EIF3L: variants seen among roughly 807,000 people sequenced by gnomAD.
The protein encoded by EIF3L is eukaryotic translation initiation factor 3 subunit L.
A neutral mutation model predicts 74.6 loss-of-function variants in EIF3L; 32 were observed. The observed-to-expected ratio is 0.43, with a 90% CI of 0.32 to 0.58. EIF3L has a LOEUF of 0.58. Ranked by LOEUF, EIF3L falls within the 20% of genes least tolerant of loss-of-function variation. The probability of loss-of-function intolerance (pLI) is 0.06; values close to 1 mark genes in which losing one functional copy is unlikely to be tolerated. For synonymous variants in EIF3L, 256 were observed against 254.4 expected (o/e 1.01, Z -0.06); for missense variants, 474 against 707.8 (o/e 0.67, Z 3.75).
In EIF3L at chr22:37,849,424, C is replaced by G. The variant is rs756642798; in HGVS notation, c.-26C>G. ...CGCGGGCCGCTCATTTCGCTCTTTC[C>G]GGCGGTGCTCGCAAGCGAGGCAGCC... On this transcript the variant is annotated 5_prime_UTR_variant, in exon 1 of 13. Coordinates refer to ENST00000652021, the MANE Select transcript of EIF3L (RefSeq NM_016091.4). 1.9e-6 allele frequency: 3 copies of G among 1,613,968 alleles called. No homozygotes were observed. The highest frequency in any genetic ancestry group is 8.5e-7 in the Non-Finnish European group (1 of 1,179,932).
chr22:37,874,279 AG>A, intron 8 of EIF3L, 90 bp from the exon 9 acceptor site: 1 of 1,350,242 alleles, frequency 7.4e-7, no homozygotes, highest in Non-Finnish European at 1.0e-6. Flanking sequence ...GGCTGGCAGT[AG>A]GTGAGATGCC....
At chr22:37,866,359 G>C (rs1005999211) in intron 7 of EIF3L, among the ~76,000 whole-genome samples, 1 of 152,196 alleles carries the variant, frequency 6.6e-6, no homozygotes, top group Non-Finnish European at 1.5e-5. Context: ...TACAGGCAGT[G>C]AATCAGTGAA....
chr22:37,888,515 G>A lies in EIF3L; in HGVS notation c.*51G>A, dbSNP rs1276687842. 2 of 1,595,214 alleles carry A rather than the reference G, an allele frequency of 1.3e-6. No individual in the cohort carries two copies. The highest frequency in any genetic ancestry group is 1.7e-6 in the Non-Finnish European group (2 of 1,165,412). Reference sequence around the variant, plus strand: ...TGTTTTGATGTATTATAGGCAGGAAGTGTTTTTGCTACCGTGAAACCTTTA... The same window carrying A: ...TGTTTTGATGTATTATAGGCAGGAAATGTTTTTGCTACCGTGAAACCTTTA... On this transcript the variant is annotated 3_prime_UTR_variant, in exon 13 of 13. Coordinates refer to ENST00000652021, the MANE Select transcript of EIF3L (RefSeq NM_016091.4).
At chr22:37,875,516 A>G (rs963675644) in intron 9 of EIF3L, among the ~76,000 whole-genome samples, 1 of 152,220 alleles carries the variant, frequency 6.6e-6, no homozygotes, top group Non-Finnish European at 1.5e-5. Flanking sequence ...ATGTGCATGT[A>G]TGTGTTTCTG....
chr22:37,856,823 A>C (rs1217711605), intron 4 of EIF3L, among the ~76,000 whole-genome samples: 1 of 151,232 alleles, frequency 6.6e-6, no homozygotes, highest in Non-Finnish European at 1.5e-5. Flanking sequence ...CAGCCTGGGC[A>C]ACAAGAGCGA....
intron 11 of EIF3L, chr22:37,880,210 T>G (rs1926976817): frequency 6.6e-6 from 1 of 152,060 alleles, no homozygotes. Context: ...CCTCCCAGGT[T>G]CACGCCATTC....
At chr22:37,874,598 A>G in intron 9 of EIF3L, 74 bp downstream of exon 9, 1 of 1,490,574 alleles carries the variant, frequency 6.7e-7, no homozygotes, top group South Asian at 1.3e-5. Flanking sequence ...CTGATCTCTT[A>G]GGACAAATTT....
intron 1 of EIF3L, 184 bp from the exon 2 acceptor site, chr22:37,849,831 A>G: frequency 1.5e-6 from 1 of 657,242 alleles, no homozygotes; most frequent in Non-Finnish European, 2.7e-6. Flanking sequence ...TGCACCCGTA[A>G]TGTTGTATTG....
intron 12 of EIF3L, 146 bp downstream of exon 12, chr22:37,886,991 T>C: frequency 1.8e-6 from 1 of 561,864 alleles, no homozygotes; most frequent in South Asian, 1.7e-5. Flanking sequence ...TGCAGCGACG[T>C]GATCTTAGCT....
At chr22:37,858,065 A>C (rs531954940) in intron 4 of EIF3L, among the ~76,000 whole-genome samples, 2 of 151,550 alleles carry the variant, frequency 1.3e-5, no homozygotes, top group Admixed American at 1.3e-4. Flanking sequence ...AGTCCCACCT[A>C]CTCGGGAGGC....
Position 37,849,609 on chromosome 22 carries a change from C to T in EIF3L, c.33+127C>T. The T allele has an allele frequency of 7.4e-6, 8 of 1,073,852 alleles. No individual in the cohort carries two copies. The South Asian group carries it at 1.2e-4, about 16-fold the overall frequency. 66.5% of individuals were successfully genotyped at this position (1,073,852 alleles called of 1,614,324 possible). A position where few individuals can be genotyped will look rare whatever the true frequency, so the allele number is the denominator to read the frequency against. ...TCCGGCCGACCTCCCGCCCGGCCCT[C>T]AGGCTGCTCCCACAGTTCCCGGTCC... On this transcript the variant is annotated intron_variant, in intron 1 of 12. Transcript: ENST00000652021.
intron 3 of EIF3L, among the ~76,000 whole-genome samples, chr22:37,851,868 A>G (rs1358681203): frequency 6.6e-6 from 1 of 152,036 alleles, no homozygotes; most frequent in African/African-American, 2.4e-5. Flanking sequence ...GAATTTCACC[A>G]TGTTGGCCAG....
intron 5 of EIF3L, among the ~76,000 whole-genome samples, chr22:37,861,012 A>C (rs1043465274): frequency 6.6e-6 from 1 of 151,986 alleles, no homozygotes; most frequent in Non-Finnish European, 1.5e-5. Context: ...TGTACGTTGT[A>C]TTTGTTTATT....
At chr22:37,886,722 C>T (rs1447946025) in intron 11 of EIF3L, 43 bp from the exon 12 acceptor site, 14 of 1,577,734 alleles carry the variant, frequency 8.9e-6, no homozygotes, top group Middle Eastern at 1.8e-4. Context: ...TGGCCCTGCT[C>T]CTCCACCTGG....
chr22:37,857,538 C>G (rs926265144), intron 4 of EIF3L, among the ~76,000 whole-genome samples: 1 of 148,210 alleles, frequency 6.7e-6, no homozygotes, highest in African/African-American at 2.5e-5. Flanking sequence ...CACTTAACTC[C>G]TTTTTTTTTT....
Position 37,858,686 on chromosome 22 carries a change from C to T in EIF3L, c.381C>T (p.Val127=). Reference sequence around the variant, plus strand: ...TTCTGCCATCTCTTTCAGATGCTGTCTTCCTGATTTTATACAAAGAATTAT... The same window carrying T: ...TTCTGCCATCTCTTTCAGATGCTGTTTTCCTGATTTTATACAAAGAATTAT... The part of the protein sequence containing the change: ...AIAPQVGNDA[V]FLILYKELYY... Residue 127 remains valine, a synonymous_variant, in exon 5 of 13, where the codon GTC becomes GTT. Transcript: ENST00000652021. 1.2e-6 allele frequency: 2 copies of T among 1,611,514 alleles called. No homozygotes were observed. The highest frequency in any genetic ancestry group is 1.7e-6 in the Non-Finnish European group (2 of 1,179,268).
intron 4 of EIF3L, among the ~76,000 whole-genome samples, chr22:37,857,465 G>C (rs1002420041): frequency 6.6e-6 from 1 of 151,146 alleles, no homozygotes; most frequent in Non-Finnish European, 1.5e-5. Context: ...GCGTTCACCA[G>C]TGTTTTGTGT....
rs139370379 is a variant in EIF3L, at chr22:37,852,028, T to C, written c.293+538T>C. ...CATGTTGGCCAGGCTGGTCTTGAAC[T>C]TCTGACCTCAAGTGATGTACCCCCG... On this transcript the variant is annotated intron_variant, in intron 3 of 12. Coordinates refer to ENST00000652021, the MANE Select transcript of EIF3L (RefSeq NM_016091.4). Among the ~76,000 whole-genome samples the C allele has an allele frequency of 3.4e-3, 517 of 152,094 alleles. 4 individuals are homozygous for C. The highest frequency in any genetic ancestry group is 0.012 in the African/African-American group (498 of 41,452).
At chr22:37,886,603 G>T in intron 11 of EIF3L, 162 bp from the exon 12 acceptor site, 1 of 482,004 alleles carries the variant, frequency 2.1e-6, no homozygotes, top group South Asian at 2.3e-5. Flanking sequence ...TCTAGAAAGA[G>T]TGAGTTACTG....
Sources: allele counts gnomAD v4.1 joint callset (sites outside exome capture counted in the v4.1 genomes callset), GRCh38; gene constraint gnomAD v4.1.1; transcripts MANE v1.5; gene names NCBI Gene and HGNC (gene_info 2026-07-23, HGNC 2026-07-21).